The following VWA3B variants were observed in gnomAD, a reference collection of about 807,000 sequenced individuals.
The protein encoded by VWA3B is von Willebrand factor A domain-containing protein 3B.
In VWA3B, 138 loss-of-function variants were observed where a neutral mutation model predicts 158.3. That is an observed-to-expected ratio of 0.87 (90% confidence interval 0.76 to 1.00). VWA3B has a LOEUF of 1.00. VWA3B is among the 50% of genes least tolerant of loss of function. The pLI is 0.00. For missense variants in VWA3B, 1,555 were observed against 1,565.1 expected (o/e 0.99, Z 0.11); for synonymous variants, 596 against 587.3 (o/e 1.01, Z -0.21).
At chr2:98,235,325 A>G (rs1383224056) in intron 17 of VWA3B, among the ~76,000 whole-genome samples, 2 of 152,214 alleles carry the variant, frequency 1.3e-5, no homozygotes, top group African/African-American at 4.8e-5. Context: ...CCTAGGGAGT[A>G]GGAAGTGGCT....
intron 3 of VWA3B, 29 bp downstream of exon 3, chr2:98,115,775 C>G: frequency 6.4e-7 from 1 of 1,558,972 alleles, no homozygotes; most frequent in Non-Finnish European, 8.8e-7. Flanking sequence ...AATGCGCAGT[C>G]CTGTGACATG....
chr2:98,207,316 G>C, intron 12 of VWA3B: 1 of 487,980 alleles, frequency 2.0e-6, no homozygotes, highest in South Asian at 1.6e-5. Flanking sequence ...CACTGAGCTG[G>C]GCATCTATCT....
At chr2:98,228,602 C>A (rs62156681) in intron 15 of VWA3B, among the ~76,000 whole-genome samples, 1 of 152,058 alleles carries the variant, frequency 6.6e-6, no homozygotes, top group South Asian at 2.1e-4. Context: ...AATGAGAGGG[C>A]GGAGAGGAGC....
intron 1 of VWA3B, among the ~76,000 whole-genome samples, chr2:98,090,869 C>A (rs1276340136): frequency 2.0e-5 from 3 of 151,424 alleles, no homozygotes; most frequent in Non-Finnish European, 4.4e-5. Context: ...AATCCTCCTG[C>A]TGCAGCCTCT....
intron 22 of VWA3B, among the ~76,000 whole-genome samples, chr2:98,283,163 G>A (rs193067044): frequency 3.9e-5 from 6 of 152,294 alleles, no homozygotes; most frequent in African/African-American, 7.2e-5. Context: ...AATAAATTAC[G>A]TGACTCTACT....
chr2:98,176,486 G>C lies in VWA3B; in HGVS notation c.1115-4530G>C, dbSNP rs576297488. Among the ~76,000 whole-genome samples, 20 of 112,798 alleles carry C rather than the reference G, an allele frequency of 1.8e-4. No individual in the cohort carries two copies. The East Asian group carries it at 5.2e-3, about 29-fold the overall frequency. 74.0% of individuals were successfully genotyped at this position (112,798 alleles called of 152,430 possible). On this transcript the variant is annotated intron_variant, in intron 8 of 27. Transcript: ENST00000477737. Reference sequence around the variant, plus strand: ...CCTTCCTTCCTTCCTTCCCTTCTTCGGTCTTCCCCTCCCTCCCTTCTTTCT... The same window carrying C: ...CCTTCCTTCCTTCCTTCCCTTCTTCCGTCTTCCCCTCCCTCCCTTCTTTCT...
At chr2:98,245,698 T>C (rs1262084742) in intron 19 of VWA3B, 1 of 422,406 alleles carries the variant, frequency 2.4e-6, no homozygotes, top group African/African-American at 2.0e-5. Context: ...GTGGTATTGA[T>C]TCACAATTGT....
the VWA3B span, among the ~76,000 whole-genome samples, chr2:98,320,411 A>G: frequency 6.6e-6 from 1 of 152,206 alleles, no homozygotes; most frequent in African/African-American, 2.4e-5. Context: ...CTGTAAAGAT[A>G]CCAGAAAATA....
intron 8 of VWA3B, among the ~76,000 whole-genome samples, chr2:98,176,936 T>C (rs1286603472): frequency 1.3e-5 from 2 of 152,162 alleles, no homozygotes; most frequent in African/African-American, 2.4e-5. Context: ...ATTCATACGC[T>C]GACAGCCCCC....
At chr2:98,250,285 GAC>G (rs1225619186) in intron 19 of VWA3B, 31 bp from the exon 20 acceptor site, 1 of 1,566,160 alleles carries the variant, frequency 6.4e-7, no homozygotes, top group Non-Finnish European at 8.7e-7. Context: ...CCTATCAAGT[GAC>G]ACTTTCCTTT....
At chr2:98,237,882 C>T (rs1163512020) in intron 19 of VWA3B, among the ~76,000 whole-genome samples, 2 of 151,766 alleles carry the variant, frequency 1.3e-5, no homozygotes, top group Admixed American at 6.6e-5. Context: ...GAGTAGTGGG[C>T]GGGGGAGAGT....
chr2:98,253,114 A>G (rs1363610855), intron 20 of VWA3B, among the ~76,000 whole-genome samples: 2 of 152,142 alleles, frequency 1.3e-5, no homozygotes, highest in African/African-American at 2.4e-5. Context: ...TTTGCATTCA[A>G]TTGTGTTTAA....
intron 19 of VWA3B, among the ~76,000 whole-genome samples, chr2:98,248,534 A>T (rs1475651164): frequency 6.6e-6 from 1 of 152,194 alleles, no homozygotes; most frequent in African/African-American, 2.4e-5. Flanking sequence ...TTGCGAGGCT[A>T]CATCAGTGTC....
chr2:98,110,943 G>A (rs1246240403), intron 2 of VWA3B, among the ~76,000 whole-genome samples: 1 of 152,206 alleles, frequency 6.6e-6, no homozygotes, highest in South Asian at 2.1e-4. Flanking sequence ...TTTGCCTGCT[G>A]CTGTCCATGT....
At chr2:98,159,766 C>G (rs989948259) in intron 7 of VWA3B, among the ~76,000 whole-genome samples, 1 of 151,792 alleles carries the variant, frequency 6.6e-6, no homozygotes, top group African/African-American at 2.4e-5. Context: ...CCTGTAATCT[C>G]AGCACTTTGG....
Position 98,303,769 on chromosome 2 carries a change from T to C in VWA3B, c.3488T>C (p.Ile1163Thr). 1 of 1,614,168 alleles carries C rather than the reference T, an allele frequency of 6.2e-7. No individual in the cohort carries two copies. The highest frequency in any genetic ancestry group is 8.5e-7 in the Non-Finnish European group (1 of 1,180,022). ...AAGTATGCGCTCTCTTGCTCTCATA[T>C]AAAGTCACCCCCAATTCCTGAGGAT... ...QNKYALSCSH[I>T]KSPPIPEDPE... is the part of the protein sequence containing the mutation. The change falls in exon 26 of 28, where the codon ATA becomes ACA. Residue 1163 changes from isoleucine (I) to threonine (T), a missense_variant. By Grantham distance (89) the Ile-to-Thr change is moderately conservative. Coordinates refer to ENST00000477737, the MANE Select transcript of VWA3B (RefSeq NM_144992.5).
At chr2:98,297,326 C>A (rs945302961) in intron 23 of VWA3B, among the ~76,000 whole-genome samples, 3 of 152,174 alleles carry the variant, frequency 2.0e-5, no homozygotes, top group Admixed American at 6.5e-5. Flanking sequence ...AGGTGATCCA[C>A]CTGCCTCAGC....
At chr2:98,137,959 T>C (rs1676415353) in intron 7 of VWA3B, among the ~76,000 whole-genome samples, 1 of 152,256 alleles carries the variant, frequency 6.6e-6, no homozygotes, top group Non-Finnish European at 1.5e-5. Context: ...TACTTTAGTG[T>C]TCTGGGAAAA....
intron 19 of VWA3B, among the ~76,000 whole-genome samples, chr2:98,239,918 A>T (rs1222924681): frequency 6.6e-6 from 1 of 152,054 alleles, no homozygotes; most frequent in Non-Finnish European, 1.5e-5. Flanking sequence ...ATCTAAAAAA[A>T]AAAAAAGAAA....
Sources: allele counts gnomAD v4.1 joint callset (sites outside exome capture counted in the v4.1 genomes callset), GRCh38; gene constraint gnomAD v4.1.1; transcripts MANE v1.5; gene names NCBI Gene and HGNC (gene_info 2026-07-23, HGNC 2026-07-21).